The following PSMA6 variants were observed in gnomAD, a reference collection of about 807,000 sequenced individuals.
PSMA6 encodes proteasome subunit alpha type-6.
For missense variants in PSMA6, 170 were observed against 294.8 expected, an observed-to-expected ratio of 0.58 and a Z score of 3.10; for synonymous variants, 88 against 97.7, an observed-to-expected ratio of 0.90 and a Z score of 0.59.
Position 35,294,706 on chromosome 14 carries a change from CT to C in PSMA6, c.76+2164del, listed in dbSNP as rs367838758. On this transcript the variant is annotated intron_variant, in intron 1 of 6. Transcript: ENST00000261479. ...TGCTTGTTTGATTCTTTGGCCCCCCCTTTTTTTTTTGGTCTATTAGATTAGT... is the reference window on the plus strand; with the variant it reads ...TGCTTGTTTGATTCTTTGGCCCCCCCTTTTTTTTTGGTCTATTAGATTAGT... 2.4e-3 allele frequency among the ~76,000 whole-genome samples: 355 copies of C among 147,318 alleles called. 5 individuals carry two copies. In the South Asian group the frequency reaches 0.029, roughly 12 times the overall value.
chr14:35,292,277 C>T (rs1404930557), upstream of PSMA6: 4 of 1,391,758 alleles, frequency 2.9e-6, no homozygotes, highest in East Asian at 8.6e-5. Context: ...CCCGCCCTCA[C>T]TCCACCACCC....
intron 1 of PSMA6, among the ~76,000 whole-genome samples, chr14:35,285,213 G>T (rs528911171): frequency 1.3e-5 from 2 of 152,180 alleles, no homozygotes; most frequent in East Asian, 3.9e-4. Context: ...AAGCATGGTG[G>T]TGCATGCCTG....
At chr14:35,294,340 C>T (rs2051542170) in intron 1 of PSMA6, among the ~76,000 whole-genome samples, 1 of 152,202 alleles carries the variant, frequency 6.6e-6, no homozygotes, top group Admixed American at 6.5e-5. Context: ...CCAGCCTAGA[C>T]AGAATGATTT....
chr14:35,293,808 T>G (rs550212271), intron 1 of PSMA6, among the ~76,000 whole-genome samples: 1 of 152,370 alleles, frequency 6.6e-6, no homozygotes, highest in East Asian at 1.9e-4. Context: ...ATTAGACTAC[T>G]GCTTTCAGCG....
chr14:35,285,377 C>G (rs2051412642), intron 1 of PSMA6, among the ~76,000 whole-genome samples: 1 of 150,426 alleles, frequency 6.6e-6, no homozygotes, highest in Non-Finnish European at 1.5e-5. Flanking sequence ...CCGTAGCACA[C>G]TCTTGCTTTT....
intron 1 of PSMA6, among the ~76,000 whole-genome samples, chr14:35,282,823 CCAGCCTGGGCAACAGAGTGAGACCCACA>C (rs1467209147): frequency 2.0e-5 from 3 of 151,780 alleles, no homozygotes; most frequent in African/African-American, 7.2e-5. Flanking sequence ...CCACTGCACT[CCAGCCTGGGCAACAGAGTGAGACCCACA>C]CAGCCTGGGC....
At chr14:35,306,734 T>G (rs1441431580) in intron 1 of PSMA6, among the ~76,000 whole-genome samples, 2 of 152,090 alleles carry the variant, frequency 1.3e-5, no homozygotes, top group Non-Finnish European at 1.5e-5. Flanking sequence ...CCATTATCAA[T>G]TATGCTACAT....
intron 2 of PSMA6, chr14:35,308,683 C>G: frequency 4.7e-6 from 2 of 423,582 alleles, no homozygotes; most frequent in East Asian, 9.4e-5. Context: ...TAAGCTATTG[C>G]TTGTCCACAG....
At chr14:35,309,896 C>A (rs1040181048) in intron 3 of PSMA6, among the ~76,000 whole-genome samples, 13 of 151,970 alleles carry the variant, frequency 8.6e-5, no homozygotes, top group African/African-American at 3.1e-4. Flanking sequence ...CGCTTGAACC[C>A]GGGAGGTAGA....
upstream of PSMA6, among the ~76,000 whole-genome samples, chr14:35,289,735 T>TA (rs898726314): frequency 2.0e-5 from 3 of 151,896 alleles, no homozygotes; most frequent in Non-Finnish European, 4.4e-5. Flanking sequence ...GCCTGGGCAA[T>TA]ACAGTGAAAC....
chr14:35,312,848 A>G (rs1406098941), intron 4 of PSMA6, 33 bp from the exon 5 acceptor site: 1 of 1,547,850 alleles, frequency 6.5e-7, no homozygotes, highest in Admixed American at 2.3e-5. Flanking sequence ...GTATAAAGCT[A>G]AAACATTTAA....
chr14:35,311,399 C>G (rs558472098), intron 4 of PSMA6, among the ~76,000 whole-genome samples: 6 of 152,156 alleles, frequency 3.9e-5, no homozygotes, highest in African/African-American at 1.4e-4. Flanking sequence ...ATAAATTAGC[C>G]TGAAAAATTC....
At chr14:35,310,619 G>A in intron 3 of PSMA6, 121 bp from the exon 4 acceptor site, 1 of 926,506 alleles carries the variant, frequency 1.1e-6, no homozygotes, top group Non-Finnish European at 1.7e-6. Context: ...AGCCGTAGCG[G>A]ACCCTTTCTC....
intron 6 of PSMA6, chr14:35,315,731 A>G (rs2052032659): frequency 6.6e-6 from 1 of 151,868 alleles, no homozygotes; most frequent in Non-Finnish European, 1.5e-5. Flanking sequence ...AAATTTCAGC[A>G]AGAATAATCT....
chr14:35,302,026 T>G (rs1261645001), intron 1 of PSMA6, among the ~76,000 whole-genome samples: 3 of 151,650 alleles, frequency 2.0e-5, no homozygotes, highest in Admixed American at 1.3e-4. Flanking sequence ...GGATTGAAGA[T>G]CAAGTGTTAC....
At chr14:35,283,985 C>T (rs1259023338) in intron 1 of PSMA6, among the ~76,000 whole-genome samples, 1 of 152,162 alleles carries the variant, frequency 6.6e-6, no homozygotes, top group African/African-American at 2.4e-5. Context: ...TGGCTGATGT[C>T]CCCAATGACA....
At chr14:35,297,318 C>T (rs1414209449) in intron 1 of PSMA6, among the ~76,000 whole-genome samples, 2 of 151,722 alleles carry the variant, frequency 1.3e-5, no homozygotes, top group Non-Finnish European at 2.9e-5. Flanking sequence ...TGGGTTCACG[C>T]CGTTCTCCTG....
At chr14:35,300,044 T>C (rs1046453297) in intron 1 of PSMA6, among the ~76,000 whole-genome samples, 4 of 152,174 alleles carry the variant, frequency 2.6e-5, no homozygotes, top group Non-Finnish European at 4.4e-5. Flanking sequence ...GAGTAAATTA[T>C]AGCAATATTT....
intron 1 of PSMA6, among the ~76,000 whole-genome samples, chr14:35,301,530 C>G (rs1169060740): frequency 6.6e-6 from 1 of 151,930 alleles, no homozygotes; most frequent in East Asian, 1.9e-4. Context: ...CTTTAAAATC[C>G]AGTTGCTCAG....
Sources: gnomAD v4.1 joint callset for allele counts (sites outside exome capture counted in the v4.1 genomes callset) on GRCh38, gnomAD v4.1.1 for gene constraint, MANE v1.5 for transcripts, NCBI Gene and HGNC (gene_info 2026-07-23, HGNC 2026-07-21) for gene names.